Variants in MCC observed in about 807,000 individuals in gnomAD.
MCC encodes the protein colorectal mutant cancer protein.
MCC carries 90 observed loss-of-function variants against 116.2 expected under a neutral mutation model. That is an observed-to-expected ratio of 0.77 (90% confidence interval 0.65 to 0.92). MCC has a LOEUF of 0.92. Ranked by LOEUF, MCC falls within the 40% of genes least tolerant of loss-of-function variation. MCC has a pLI of 0.00. For missense variants in MCC, 1,516 were observed against 1,312.2 expected, an observed-to-expected ratio of 1.16 and a Z score of -2.40; for synonymous variants, 578 against 510.5, an observed-to-expected ratio of 1.13 and a Z score of -1.78.
chr5:113,102,929 T>G (rs986820774), intron 7 of MCC, among the ~76,000 whole-genome samples: 7 of 152,054 alleles, frequency 4.6e-5, no homozygotes, highest in African/African-American at 1.4e-4. Context: ...CAGCCTGACC[T>G]CAGGTGAAAC....
intron 3 of MCC, among the ~76,000 whole-genome samples, chr5:113,217,856 T>G (rs1763384528): frequency 6.6e-6 from 1 of 151,832 alleles, no homozygotes; most frequent in African/African-American, 2.4e-5. Context: ...CACTGAGAGG[T>G]CAGAAAGGAC....
intron 17 of MCC, among the ~76,000 whole-genome samples, chr5:113,038,694 G>C (rs180750507): frequency 6.6e-6 from 1 of 151,976 alleles, no homozygotes; most frequent in Non-Finnish European, 1.5e-5. Context: ...AGGTGTGATC[G>C]ATCACACTGA....
chr5:113,442,271 C>A (rs1771063523), intron 1 of MCC, among the ~76,000 whole-genome samples: 1 of 152,148 alleles, frequency 6.6e-6, no homozygotes, highest in Admixed American at 6.5e-5. Context: ...AGCATTTTTT[C>A]ATATGTTTGT....
rs187167222 is a variant in MCC, at chr5:113,206,431, C to G, written c.628-55009G>C. Among the ~76,000 whole-genome samples the G allele has an allele frequency of 2.4e-3, 362 of 152,262 alleles. 3 individuals carry two copies. Among genetic ancestry groups the G allele is most frequent in the Non-Finnish European group, 2.3e-3 (156 of 68,024 alleles). On this transcript the variant is annotated intron_variant, in intron 3 of 18. Transcript: ENST00000408903. Reference sequence around the variant, plus strand: ...TTATTTTCCAAATATTTAAATTTTTCGGGCCGGGCCCAGTAGCTCACGCCT... The same window carrying G: ...TTATTTTCCAAATATTTAAATTTTTGGGGCCGGGCCCAGTAGCTCACGCCT...
At chr5:113,198,265 G>C (rs1443743101) in intron 3 of MCC, among the ~76,000 whole-genome samples, 2 of 152,172 alleles carry the variant, frequency 1.3e-5, no homozygotes, top group African/African-American at 2.4e-5. Context: ...GCTGTCATTT[G>C]AGTCCTTCTT....
chr5:113,177,132 A>T (rs1378563776), intron 3 of MCC, among the ~76,000 whole-genome samples: 1 of 151,996 alleles, frequency 6.6e-6, no homozygotes, highest in Non-Finnish European at 1.5e-5. Context: ...CTCTGGAAAG[A>T]CTTCTTGAGT....
At chr5:113,215,061 C>A (rs573865260) in intron 3 of MCC, among the ~76,000 whole-genome samples, 2 of 152,246 alleles carry the variant, frequency 1.3e-5, no homozygotes, top group South Asian at 4.1e-4. Context: ...CCTCATCTCT[C>A]CCACCACCCC....
intron 14 of MCC, among the ~76,000 whole-genome samples, 197 bp from the exon 15 acceptor site, chr5:113,054,156 G>C (rs1752664507): frequency 6.6e-6 from 1 of 152,166 alleles, no homozygotes; most frequent in South Asian, 2.1e-4. Context: ...AATAACAAAT[G>C]CTTACACTCC....
chr5:113,445,947 A>G (rs1260440761), intron 1 of MCC, among the ~76,000 whole-genome samples: 1 of 152,236 alleles, frequency 6.6e-6, no homozygotes, highest in African/African-American at 2.4e-5. Context: ...ATAAAGCTGC[A>G]CATCAACAGT....
intron 5 of MCC, among the ~76,000 whole-genome samples, chr5:113,132,441 TATACACACACAC>T (rs1428886318): frequency 8.3e-5 from 8 of 96,938 alleles, no homozygotes; most frequent in African/African-American, 3.8e-4. Flanking sequence ...TATATATATA[TATACACACACAC>T]ACACACACAC....
intron 3 of MCC, among the ~76,000 whole-genome samples, chr5:113,240,688 C>A (rs1161907309): frequency 6.6e-6 from 1 of 152,144 alleles, no homozygotes; most frequent in African/African-American, 2.4e-5. Context: ...CAGGATTTCT[C>A]ATCTTTTTTC....
chr5:113,465,297 A>G lies in MCC; in HGVS notation c.170+22948T>C, dbSNP rs527575337. On this transcript the variant is annotated intron_variant, in intron 1 of 18. Transcript: ENST00000408903. ...ATTTTCAAGTCAGTAGAGATTCATC[A>G]CATGGAAGTAGGAAAAATGGTTAAC... Among the ~76,000 whole-genome samples, 5 of 152,236 alleles carry G rather than the reference A, an allele frequency of 3.3e-5. No individual in the cohort carries two copies. In the South Asian group the frequency reaches 1.0e-3, roughly 32 times the overall value.
intron 3 of MCC, among the ~76,000 whole-genome samples, chr5:113,240,692 T>G (rs554165294): frequency 6.6e-6 from 1 of 152,270 alleles, no homozygotes; most frequent in Admixed American, 6.5e-5. Context: ...ATTTCTCATC[T>G]TTTTTCCTAT....
At position 113,024,122 on chromosome 5, in the gene MCC, C is replaced by CA. The variant is rs1396163573; in HGVS notation, c.*3179dup. 1 of 152,080 alleles carries CA rather than the reference C, an allele frequency of 6.6e-6. No individual in the cohort carries two copies. Among genetic ancestry groups the CA allele is most frequent in the Non-Finnish European group, 1.5e-5 (1 of 68,046 alleles). 9.4% of individuals were successfully genotyped at this position (152,080 alleles called of 1,614,324 possible). On this transcript the variant is annotated 3_prime_UTR_variant, in exon 19 of 19. Transcript: ENST00000408903. ...TGGACTTCCTTTTGGAGTAGAATGT[C>CA]AAGGCTCTGACTTAGAAGAGGTCCC... is the stretch of plus-strand genomic sequence containing the variant.
At chr5:113,092,878 G>A (rs1273957638) in intron 8 of MCC, among the ~76,000 whole-genome samples, 1 of 152,176 alleles carries the variant, frequency 6.6e-6, no homozygotes, top group Non-Finnish European at 1.5e-5. Flanking sequence ...ATTCCCACCA[G>A]GCCGGAGGAG....
chr5:113,062,513 C>A (rs1561768713), intron 14 of MCC, among the ~76,000 whole-genome samples: 1 of 152,194 alleles, frequency 6.6e-6, no homozygotes, highest in Non-Finnish European at 1.5e-5. Flanking sequence ...TCCTGTCAAG[C>A]AAACTCTTAT....
At chr5:113,366,333 A>C (rs1310369873) in intron 2 of MCC, among the ~76,000 whole-genome samples, 1 of 151,370 alleles carries the variant, frequency 6.6e-6, no homozygotes, top group Non-Finnish European at 1.5e-5. Context: ...GTTTTTTTTT[A>C]TGTTAATTCT....
intron 1 of MCC, among the ~76,000 whole-genome samples, chr5:113,463,469 A>C (rs1386429262): frequency 6.6e-6 from 1 of 152,228 alleles, no homozygotes; most frequent in Admixed American, 6.5e-5. Flanking sequence ...AAGGTAAAAT[A>C]ATAGGACTTG....
intron 3 of MCC, among the ~76,000 whole-genome samples, chr5:113,171,716 T>C (rs185661153): frequency 3.3e-5 from 5 of 152,208 alleles, no homozygotes; most frequent in Admixed American, 2.6e-4. Flanking sequence ...GCCTGTATCA[T>C]TTCACAGGTG....
Sources: allele counts gnomAD v4.1 joint callset (sites outside exome capture counted in the v4.1 genomes callset), GRCh38; gene constraint gnomAD v4.1.1; transcripts MANE v1.5; gene names NCBI Gene and HGNC (gene_info 2026-07-23, HGNC 2026-07-21).